Variants in SGCE observed in about 807,000 individuals in gnomAD.
SGCE encodes epsilon-sarcoglycan.
Under a neutral mutation model 57.8 loss-of-function variants are expected in SGCE, and 26 were observed. The observed-to-expected ratio is 0.45, with a 90% CI of 0.33 to 0.62. SGCE has a LOEUF of 0.62. Among genes scored for constraint, SGCE ranks in the 20% least tolerant of loss-of-function variants. SGCE has a pLI of 0.02. For missense variants in SGCE, 468 were observed against 548.6 expected (o/e 0.85, Z 1.47); for synonymous variants, 183 against 189.5 (o/e 0.97, Z 0.28).
At chr7:94,607,188 C>T (rs1800282456) in intron 5 of SGCE, among the ~76,000 whole-genome samples, 1 of 152,082 alleles carries the variant, frequency 6.6e-6, no homozygotes, top group Admixed American at 6.6e-5. Context: ...GCATCAGGTC[C>T]AGATGGGTTC....
intron 5 of SGCE, among the ~76,000 whole-genome samples, chr7:94,607,449 A>G (rs189762261): frequency 9.2e-5 from 14 of 152,358 alleles, no homozygotes; most frequent in Non-Finnish European, 1.8e-4. Flanking sequence ...AAAAGGAATT[A>G]TACACAATGA....
intron 5 of SGCE, chr7:94,616,954 CAA>C (rs1414211577): frequency 2.0e-5 from 3 of 152,126 alleles, no homozygotes; most frequent in African/African-American, 7.2e-5. Flanking sequence ...GGATCTGAGA[CAA>C]GAGTCCAAAT....
intron 1 of SGCE, among the ~76,000 whole-genome samples, chr7:94,630,153 C>G (rs1804462831): frequency 6.6e-6 from 1 of 151,756 alleles, no homozygotes; most frequent in African/African-American, 2.4e-5. Flanking sequence ...TTGGTAATTT[C>G]TTTTTACTTG....
At chr7:94,639,696 A>G (rs1053810624) in intron 1 of SGCE, among the ~76,000 whole-genome samples, 2 of 152,212 alleles carry the variant, frequency 1.3e-5, no homozygotes, top group Admixed American at 1.3e-4. Flanking sequence ...TCATGTACAT[A>G]TACATATACA....
At chr7:94,639,227 C>T in intron 1 of SGCE, 1 of 652,660 alleles carries the variant, frequency 1.5e-6, no homozygotes, top group Non-Finnish European at 2.5e-6. Flanking sequence ...GTTTTTCAGA[C>T]TTACTAACAA....
intron 5 of SGCE, among the ~76,000 whole-genome samples, chr7:94,606,407 G>T (rs904283580): frequency 1.3e-5 from 2 of 152,146 alleles, no homozygotes; most frequent in African/African-American, 4.8e-5. Flanking sequence ...TGATAAAGAG[G>T]TCAATTCTTT....
At chr7:94,609,234 A>T (rs1349127910) in intron 5 of SGCE, among the ~76,000 whole-genome samples, 1 of 152,232 alleles carries the variant, frequency 6.6e-6, no homozygotes, top group East Asian at 1.9e-4. Context: ...TCCAATTAAA[A>T]ATGGGCCAGA....
rs1371563490 is a variant in SGCE at position 94,618,747 on chromosome 7, G to T, written c.662+11C>A. On this transcript the variant is annotated intron_variant, in intron 5 of 10. Transcript: ENST00000648936. ...TCTATATTTAAGGCAATGAGATAAA[G>T]ATCTGCTTACCCCTCCTTCAGGTCA... The T allele has an allele frequency of 1.2e-6, 2 of 1,607,544 alleles. No homozygotes were observed. The highest frequency in any genetic ancestry group is 4.5e-5 in the East Asian group (2 of 44,832).
rs144672975 is a variant in SGCE at position 94,595,763 on chromosome 7, T to C, written c.1253+3012A>G. Among the ~76,000 whole-genome samples, 3 of 152,238 alleles carry C rather than the reference T, an allele frequency of 2.0e-5. No individual in the cohort carries two copies. In the East Asian group the frequency reaches 5.8e-4, roughly 29 times the overall value. ...GCTATGATGAACCCCATACAATAAATTCCCTATTATCTGGCATGGCTGGAA... is the reference window on the plus strand; with the variant it reads ...GCTATGATGAACCCCATACAATAAACTCCCTATTATCTGGCATGGCTGGAA... On this transcript the variant is annotated intron_variant, in intron 9 of 10. Transcript: ENST00000648936.
chr7:94,588,546 G>T, intron 10 of SGCE, 143 bp downstream of exon 10: 1 of 1,496,196 alleles, frequency 6.7e-7, no homozygotes, highest in Admixed American at 2.1e-5. Flanking sequence ...ATTATTCTGA[G>T]GTTTTAAGTC....
At chr7:94,622,159 T>C (rs889553087) in intron 4 of SGCE, 2 of 152,222 alleles carry the variant, frequency 1.3e-5, no homozygotes, top group Non-Finnish European at 2.9e-5. Context: ...TGATAAAATG[T>C]TTGGTGTTTG....
At chr7:94,652,719 G>A (rs943586353) in intron 1 of SGCE, among the ~76,000 whole-genome samples, 1 of 152,066 alleles carries the variant, frequency 6.6e-6, no homozygotes, top group Non-Finnish European at 1.5e-5. Flanking sequence ...TTAGATTTAT[G>A]GCAAACTGTT....
At position 94,586,800 on chromosome 7, in the gene SGCE, C is replaced by T. The variant is rs1046104103; in HGVS notation, c.1298-1285G>A. 6 of 983,720 alleles carry T rather than the reference C, an allele frequency of 6.1e-6. No individual in the cohort carries two copies. The African/African-American group carries it at 1.0e-4, about 17-fold the overall frequency. The allele number at this position is 983,720 out of a possible 1,614,324, so 60.9% of individuals were successfully genotyped here. On this transcript the variant is annotated intron_variant, in intron 10 of 10. Coordinates refer to ENST00000648936, the MANE Select transcript of SGCE (RefSeq NM_003919.3). ...TACAGGTGTGAGCCACCGCACCCAG[C>T]CTCCATTTAGTTTTAAATGTACCAG...
At chr7:94,629,338 C>T (rs1804285526) in intron 2 of SGCE, 2 of 168,772 alleles carry the variant, frequency 1.2e-5, no homozygotes, top group Admixed American at 6.0e-5. Flanking sequence ...TTACCTAATG[C>T]CATTTTTCAT....
At chr7:94,653,698 T>C (rs964836839) in intron 1 of SGCE, among the ~76,000 whole-genome samples, 14 of 151,996 alleles carry the variant, frequency 9.2e-5, no homozygotes, top group African/African-American at 1.9e-4. Flanking sequence ...TACTTATATA[T>C]TGATGCTGTT....
At chr7:94,586,061 GAAAAA>G (rs780812386) in intron 10 of SGCE, among the ~76,000 whole-genome samples, 6 of 28,904 alleles carry the variant, frequency 2.1e-4, no homozygotes, top group Non-Finnish European at 3.5e-4. Flanking sequence ...GGAACTAAAT[GAAAAA>G]AAAAAAAAAA....
intron 1 of SGCE, among the ~76,000 whole-genome samples, chr7:94,652,024 A>T (rs1366452513): frequency 6.6e-6 from 1 of 152,098 alleles, no homozygotes; most frequent in Non-Finnish European, 1.5e-5. Flanking sequence ...CTGGATTCCG[A>T]AGTTTAGAAA....
Position 94,599,735 on chromosome 7 carries a change from AC to A in SGCE, c.1038-13del. On this transcript the variant is annotated splice_polypyrimidine_tract_variant and intron_variant, in intron 7 of 10. Coordinates refer to ENST00000648936, the MANE Select transcript of SGCE (RefSeq NM_003919.3). The stretch of plus-strand genomic sequence containing the variant: ...TGTTTCTCTTTTCCCTAGAAACAAA[AC>A]AAAATTTATGAATTAAATAATAGCA... The A allele has an allele frequency of 1.9e-6, 3 of 1,566,112 alleles. No individual in the cohort carries two copies. Among genetic ancestry groups the A allele is most frequent in the Non-Finnish European group, 2.6e-6 (3 of 1,136,984 alleles).
At chr7:94,642,254 A>G (rs560165521) in intron 1 of SGCE, among the ~76,000 whole-genome samples, 1 of 152,314 alleles carries the variant, frequency 6.6e-6, no homozygotes, top group East Asian at 1.9e-4. Flanking sequence ...TCTCTAATAA[A>G]TGGCTTATTT....
Sources: allele counts gnomAD v4.1 joint callset (sites outside exome capture counted in the v4.1 genomes callset), GRCh38; gene constraint gnomAD v4.1.1; transcripts MANE v1.5; gene names NCBI Gene and HGNC (gene_info 2026-07-23, HGNC 2026-07-21).